The following GPM6A variants were observed in gnomAD, a reference collection of about 807,000 sequenced individuals.
GPM6A encodes neuronal membrane glycoprotein M6-a.
In GPM6A, 7 loss-of-function variants were observed where a neutral mutation model predicts 32.1. The ratio of observed to expected loss-of-function variants is 0.22; its 90% CI spans 0.12 to 0.41. The LOEUF is 0.41. Among genes scored for constraint, GPM6A ranks in the 10% least tolerant of loss-of-function variants. The pLI, the probability that GPM6A is intolerant of heterozygous loss-of-function variation, is 1.00. For missense variants in GPM6A, 235 were observed against 347.2 expected (o/e 0.68, Z 2.57); for synonymous variants, 130 against 123.4 (o/e 1.05, Z -0.35).
intron 3 of GPM6A, among the ~76,000 whole-genome samples, chr4:175,652,837 C>T (rs1741884130): frequency 6.6e-6 from 1 of 151,846 alleles, no homozygotes; most frequent in South Asian, 2.1e-4. Flanking sequence ...GAAATATAGC[C>T]CCTGGATGCC....
rs1239912224 is a variant in GPM6A at position 175,637,706 on chromosome 4, T to A, written c.684+2423A>T. On this transcript the variant is annotated intron_variant, in intron 6 of 6. Coordinates refer to ENST00000393658, the MANE Select transcript of GPM6A (RefSeq NM_201591.3). ...ATATAATATATAATATATTATATAT[T>A]ATATATATTTATATATAATATATTA... Among the ~76,000 whole-genome samples, 22 of 61,456 alleles carry A rather than the reference T, an allele frequency of 3.6e-4. No individual in the cohort carries two copies. The South Asian group carries it at 8.6e-3, about 24-fold the overall frequency. 40.3% of individuals were successfully genotyped at this position (61,456 alleles called of 152,430 possible).
Position 175,688,423 on chromosome 4 carries a change from C to T in GPM6A, c.230+13152G>A, listed in dbSNP as rs532102271. On this transcript the variant is annotated intron_variant, in intron 2 of 6. Transcript: ENST00000393658. ...TTTCATCATATTGCATGTGGAGATC[C>T]GGTTTTTCCAGCATCCTTTATTGAA... 4.3e-4 allele frequency among the ~76,000 whole-genome samples: 65 copies of T among 150,788 alleles called. 1 individual carries two copies. In the South Asian group the frequency reaches 0.012, roughly 28 times the overall value.
chr4:175,867,425 T>C (rs948400438), intron 1 of GPM6A, among the ~76,000 whole-genome samples: 3 of 152,172 alleles, frequency 2.0e-5, no homozygotes, highest in Non-Finnish European at 2.9e-5. Context: ...TGAGTTCGTT[T>C]TTGTGAATAA....
intron 1 of GPM6A, among the ~76,000 whole-genome samples, chr4:175,762,426 A>G (rs1441198525): frequency 1.3e-5 from 2 of 152,178 alleles, no homozygotes; most frequent in East Asian, 1.9e-4. Context: ...AACATTCACA[A>G]TACGTCAAAT....
At chr4:175,780,507 C>T (rs1733576787) in intron 1 of GPM6A, among the ~76,000 whole-genome samples, 2 of 152,302 alleles carry the variant, frequency 1.3e-5, no homozygotes, top group Middle Eastern at 3.4e-3. Context: ...AATTCATGAA[C>T]GGCTATCATG....
chr4:175,696,965 A>G (rs1039965843), intron 2 of GPM6A, among the ~76,000 whole-genome samples: 20 of 152,206 alleles, frequency 1.3e-4, no homozygotes, highest in African/African-American at 4.6e-4. Context: ...TTAGGTAAAT[A>G]GGAACTATTT....
intron 3 of GPM6A, among the ~76,000 whole-genome samples, chr4:175,667,669 C>T (rs1742825888): frequency 6.6e-6 from 1 of 151,954 alleles, no homozygotes; most frequent in African/African-American, 2.4e-5. Flanking sequence ...TGGAACTGTA[C>T]CGTCTTTACC....
chr4:175,923,555 G>GTTGT (rs1163757261), intron 1 of GPM6A, among the ~76,000 whole-genome samples: 1 of 151,240 alleles, frequency 6.6e-6, no homozygotes, highest in Non-Finnish European at 1.5e-5. Flanking sequence ...TTTTTTTGTT[G>GTTGT]TTGTTTGTTT....
intron 1 of GPM6A, among the ~76,000 whole-genome samples, chr4:175,834,264 G>A (rs1735698700): frequency 6.6e-6 from 1 of 152,172 alleles, no homozygotes; most frequent in Admixed American, 6.6e-5. Context: ...CCTGGCAGTG[G>A]GGGAGGGCAA....
At chr4:175,962,705 AC>A (rs556321603) in intron 1 of GPM6A, among the ~76,000 whole-genome samples, 232 of 152,254 alleles carry the variant, frequency 1.5e-3, no homozygotes, top group Non-Finnish European at 2.9e-3. Context: ...AGCCAGACAG[AC>A]CAAAAAAACC....
intron 1 of GPM6A, among the ~76,000 whole-genome samples, chr4:175,979,864 G>A (rs78729802): frequency 0.11 from 17,022 of 152,192 alleles, 1,089 homozygotes; most frequent in East Asian, 0.22. Flanking sequence ...AATGCTAAGA[G>A]AGCTATTTGC....
intron 4 of GPM6A, among the ~76,000 whole-genome samples, chr4:175,644,081 C>T (rs987483352): frequency 6.6e-6 from 1 of 151,058 alleles, no homozygotes; most frequent in Non-Finnish European, 1.5e-5. Flanking sequence ...CCTTTTCCAA[C>T]TCTACTTTCT....
chr4:175,850,794 T>C (rs1035188275), intron 1 of GPM6A, among the ~76,000 whole-genome samples: 3 of 150,944 alleles, frequency 2.0e-5, no homozygotes, highest in African/African-American at 7.3e-5. Context: ...ATATATTGCA[T>C]ATATAAAATT....
chr4:175,922,240 A>G (rs2111527812), intron 1 of GPM6A, among the ~76,000 whole-genome samples: 1 of 152,342 alleles, frequency 6.6e-6, no homozygotes, highest in South Asian at 2.1e-4. Context: ...AAGCTAAAGC[A>G]GTGTTTAGGG....
At chr4:175,888,769 G>T (rs1209434445) in intron 1 of GPM6A, among the ~76,000 whole-genome samples, 2 of 151,970 alleles carry the variant, frequency 1.3e-5, no homozygotes, top group South Asian at 2.1e-4. Flanking sequence ...CCCTATAATT[G>T]TATAAACTAA....
At chr4:175,680,502 C>T (rs903794638) in intron 2 of GPM6A, among the ~76,000 whole-genome samples, 6 of 152,282 alleles carry the variant, frequency 3.9e-5, no homozygotes, top group Admixed American at 3.9e-4. Context: ...TACTGTGTTT[C>T]TAAGTTACAT....
At chr4:175,689,708 TCTC>T (rs1212690244) in intron 2 of GPM6A, among the ~76,000 whole-genome samples, 1 of 152,194 alleles carries the variant, frequency 6.6e-6, no homozygotes, top group African/African-American at 2.4e-5. Context: ...GGTATTGAAA[TCTC>T]CTACTATGAT....
chr4:175,938,381 C>T (rs1259999101), intron 1 of GPM6A, among the ~76,000 whole-genome samples: 16 of 152,168 alleles, frequency 1.1e-4, no homozygotes, highest in Non-Finnish European at 1.9e-4. Context: ...AGTGTAAAAG[C>T]GTTCCTGTTT....
intron 1 of GPM6A, among the ~76,000 whole-genome samples, chr4:175,840,808 G>C (rs1212259869): frequency 6.6e-6 from 1 of 152,190 alleles, no homozygotes; most frequent in Non-Finnish European, 1.5e-5. Flanking sequence ...GGCAGCAAAA[G>C]TTTTAATGCA....
Sources: allele counts gnomAD v4.1 joint callset (sites outside exome capture counted in the v4.1 genomes callset), GRCh38; gene constraint gnomAD v4.1.1; transcripts MANE v1.5; gene names NCBI Gene and HGNC (gene_info 2026-07-23, HGNC 2026-07-21).